The following NPLOC4 variants were observed in gnomAD, a reference collection of about 807,000 sequenced individuals.
NPLOC4 encodes the protein NPL4 homolog, ubiquitin recognition factor.
A neutral mutation model predicts 80.6 loss-of-function variants in NPLOC4; 18 were observed. That is an observed-to-expected ratio of 0.22 (90% CI 0.15 to 0.33). The LOEUF (loss-of-function observed/expected upper bound fraction) is 0.33, where lower values mean the gene tolerates loss of function less well. Among genes scored for constraint, NPLOC4 ranks in the 10% least tolerant of loss-of-function variants. NPLOC4 has a pLI of 1.00. For synonymous variants in NPLOC4, 313 were observed against 301.5 expected (o/e 1.04, Z -0.39); for missense variants, 540 against 786.1 (o/e 0.69, Z 3.74).
intron 8 of NPLOC4, among the ~76,000 whole-genome samples, chr17:81,600,976 C>T (rs1251866856): frequency 6.6e-6 from 1 of 152,154 alleles, no homozygotes; most frequent in African/African-American, 2.4e-5. Flanking sequence ...GCTCACCAAC[C>T]CTAAGGAAGG....
intron 13 of NPLOC4, among the ~76,000 whole-genome samples, chr17:81,570,043 G>A (rs1263195864): frequency 1.3e-5 from 2 of 152,178 alleles, no homozygotes; most frequent in African/African-American, 4.8e-5. Context: ...TGTGGTTCTG[G>A]TCTGTTTTCT....
chr17:81,635,592 C>CCACCTAGGCT (rs2036046726), intron 1 of NPLOC4, among the ~76,000 whole-genome samples: 2 of 152,090 alleles, frequency 1.3e-5, no homozygotes, highest in South Asian at 4.1e-4. Context: ...TCCAGTGACG[C>CCACCTAGGCT]CACCTAGGCT....
intron 8 of NPLOC4, among the ~76,000 whole-genome samples, chr17:81,602,410 T>TA (rs988761432): frequency 4.0e-5 from 6 of 150,192 alleles, no homozygotes; most frequent in African/African-American, 9.8e-5. Flanking sequence ...ATTAAACAAT[T>TA]AAAAAAAAAT....
chr17:81,556,932 A>G lies in NPLOC4; in HGVS notation c.*2327T>C, dbSNP rs1386597900. On this transcript the variant is annotated 3_prime_UTR_variant, in exon 17 of 17. Transcript: ENST00000331134. The stretch of plus-strand genomic sequence containing the variant: ...AGGTTCCACTGCAGGGCTGGGGTCA[A>G]TGTAATGCAAATCCAAGCCCAGTGA... 6.6e-6 allele frequency: 1 copy of G among 152,340 alleles called. No homozygotes were observed. The highest frequency in any genetic ancestry group is 2.4e-5 in the African/African-American group (1 of 41,454). 9.4% of individuals were successfully genotyped at this position (152,340 alleles called of 1,614,324 possible).
Position 81,604,867 on chromosome 17 carries a change from G to A in NPLOC4, c.655-140C>T, listed in dbSNP as rs1031334295. 5.3e-6 allele frequency: 4 copies of A among 756,770 alleles called. No individual in the cohort carries two copies. The South Asian group carries it at 7.5e-5, about 14-fold the overall frequency. The allele number at this position is 756,770 out of a possible 1,614,324, so 46.9% of individuals were successfully genotyped here. On this transcript the variant is annotated intron_variant, in intron 7 of 16. Coordinates refer to ENST00000331134, the MANE Select transcript of NPLOC4 (RefSeq NM_017921.4). ...CAATAGGGTGTGATGGTGCATGCCT[G>A]TGGTCCCAGATACTCAGGAGGCCGA...
chr17:81,572,006 G>A lies in NPLOC4; in HGVS notation c.1353+11C>T. Reference sequence around the variant, plus strand: ...GTCCACCTGCCCAAGCTGTGCATGGGGGGCACTTACGTCTATGATGAGATA... The same window carrying A: ...GTCCACCTGCCCAAGCTGTGCATGGAGGGCACTTACGTCTATGATGAGATA... On this transcript the variant is annotated intron_variant, in intron 13 of 16. Transcript: ENST00000331134. The surrounding 1 kb of genome is among the most constrained non-coding windows in gnomAD (Gnocchi z 4.5). 1 of 1,594,542 alleles carries A rather than the reference G, an allele frequency of 6.3e-7. No individual in the cohort carries two copies. Among genetic ancestry groups the A allele is most frequent in the Non-Finnish European group, 8.6e-7 (1 of 1,168,560 alleles).
chr17:81,601,661 G>C (rs932615262), intron 8 of NPLOC4, among the ~76,000 whole-genome samples: 1 of 152,174 alleles, frequency 6.6e-6, no homozygotes, highest in African/African-American at 2.4e-5. Context: ...CCTGAGTACA[G>C]CACAGTGACC....
chr17:81,582,340 G>C (rs1290593213), intron 12 of NPLOC4, among the ~76,000 whole-genome samples: 1 of 152,232 alleles, frequency 6.6e-6, no homozygotes, highest in Non-Finnish European at 1.5e-5. Context: ...GCATGGACCC[G>C]AGTTTCACCT....
At chr17:81,595,975 A>G (rs2144174281) in intron 11 of NPLOC4, 141 bp downstream of exon 11, 1 of 816,954 alleles carries the variant, frequency 1.2e-6, no homozygotes, top group Middle Eastern at 3.4e-4. Flanking sequence ...TTTACCATAA[A>G]AAGAAAGGAG....
Position 81,605,706 on chromosome 17 carries a change from G to A in NPLOC4, c.655-979C>T, listed in dbSNP as rs77771502. Among the ~76,000 whole-genome samples, 875 of 152,030 alleles carry A rather than the reference G, an allele frequency of 5.8e-3. 29 individuals are homozygous for A. Among genetic ancestry groups the A allele is most frequent in the Admixed American group, 0.04 (605 of 15,276 alleles). On this transcript the variant is annotated intron_variant, in intron 7 of 16. Coordinates refer to ENST00000331134, the MANE Select transcript of NPLOC4 (RefSeq NM_017921.4). ...ACTTCAGAGTCCAGTGGCGGGACACGGGGTTATAGGAGGATGGAGATGGGT... is the reference window on the plus strand; with the variant it reads ...ACTTCAGAGTCCAGTGGCGGGACACAGGGTTATAGGAGGATGGAGATGGGT...
chr17:81,590,875 C>T (rs1239446653), intron 11 of NPLOC4, among the ~76,000 whole-genome samples: 3 of 152,184 alleles, frequency 2.0e-5, no homozygotes, highest in East Asian at 1.9e-4. Flanking sequence ...TGATGGCTGG[C>T]TTCAAAACCC....
intron 13 of NPLOC4, 73 bp from the exon 14 acceptor site, chr17:81,569,184 G>T: frequency 1.0e-6 from 1 of 955,154 alleles, no homozygotes; most frequent in Non-Finnish European, 1.7e-6. Flanking sequence ...CCAGCCCAGA[G>T]CATCTCCCAG....
chr17:81,613,428 T>C lies in NPLOC4; in HGVS notation c.276A>G (p.Ser92=), dbSNP rs1190201762. The C allele has an allele frequency of 1.2e-6, 2 of 1,613,986 alleles. No individual in the cohort carries two copies. Among genetic ancestry groups the C allele is most frequent in the East Asian group, 4.5e-5 (2 of 44,884 alleles). The change falls in exon 4 of 17, where the codon TCA becomes TCG. Residue 92 remains serine, a synonymous_variant. Coordinates refer to ENST00000331134, the MANE Select transcript of NPLOC4 (RefSeq NM_017921.4). ...CAAAGACTTTGAAGCCCGGTGGAAC[T>C]GACGTCTCCATTTCAGATGAGGGCC... ...LAGPSSEMET[S]VPPGFKVFGA...
At chr17:81,616,156 A>C (rs1445737322) in intron 3 of NPLOC4, among the ~76,000 whole-genome samples, 1 of 151,228 alleles carries the variant, frequency 6.6e-6, no homozygotes. Context: ...GTCTCTGCTA[A>C]AAATAAAAAA....
chr17:81,610,365 C>T lies in NPLOC4; in HGVS notation c.387-107G>A, dbSNP rs1207113066. 21 of 941,832 alleles carry T rather than the reference C, an allele frequency of 2.2e-5. No individual in the cohort carries two copies. The East Asian group carries it at 2.9e-4, about 13-fold the overall frequency. The allele number at this position is 941,832 out of a possible 1,614,324, so 58.3% of individuals were successfully genotyped here. On this transcript the variant is annotated intron_variant, in intron 4 of 16. Coordinates refer to ENST00000331134, the MANE Select transcript of NPLOC4 (RefSeq NM_017921.4). ...CTTTAACAGAGTGTTTCCCTGCCCA[C>T]GTGGAGTTATATTCCAGATGGCACA...
At chr17:81,630,062 A>G (rs971365786) in intron 1 of NPLOC4, among the ~76,000 whole-genome samples, 9 of 151,568 alleles carry the variant, frequency 5.9e-5, no homozygotes, top group Non-Finnish European at 1.0e-4. Flanking sequence ...TTTAATTCCT[A>G]ATCACTATTT....
intron 6 of NPLOC4, 126 bp from the exon 7 acceptor site, chr17:81,606,940 AG>A (rs2035219680): frequency 1.2e-6 from 1 of 805,892 alleles, no homozygotes; most frequent in Admixed American, 2.1e-5. Context: ...TGGCAGCAGC[AG>A]GGAAGATGGG....
At chr17:81,564,150 A>T in intron 16 of NPLOC4, 1 of 289,470 alleles carries the variant, frequency 3.5e-6, no homozygotes, top group South Asian at 2.5e-5. Context: ...ACTATTAGGT[A>T]CTATGTGTAG....
intron 5 of NPLOC4, 30 bp downstream of exon 5, chr17:81,610,180 G>C (rs2035305324): frequency 1.3e-6 from 2 of 1,559,658 alleles, no homozygotes; most frequent in African/African-American, 2.7e-5. Context: ...CCCCACACTG[G>C]CCCAGAACTT....
Sources: allele counts gnomAD v4.1 joint callset (sites outside exome capture counted in the v4.1 genomes callset), GRCh38; gene constraint gnomAD v4.1.1; non-coding constraint Gnocchi (gnomAD v3.1); transcripts MANE v1.5; gene names NCBI Gene and HGNC (gene_info 2026-07-23, HGNC 2026-07-21).